The following GRIK4 variants were observed in gnomAD, a reference collection of about 807,000 sequenced individuals.
The protein encoded by GRIK4 is glutamate ionotropic receptor kainate type subunit 4.
Under a neutral mutation model 104.9 loss-of-function variants are expected in GRIK4, and 40 were observed. The observed-to-expected ratio is 0.38, with a 90% confidence interval of 0.30 to 0.50. The LOEUF is 0.50. GRIK4 is among the 20% of genes least tolerant of loss of function. The probability of loss-of-function intolerance (pLI) is 0.93; values close to 1 mark genes in which losing one functional copy is unlikely to be tolerated. For missense variants in GRIK4, 1,047 were observed against 1,308.1 expected, an observed-to-expected ratio of 0.80 and a Z score of 3.08; for synonymous variants, 485 against 524.9, an observed-to-expected ratio of 0.92 and a Z score of 1.04.
chr11:120,640,794 C>T (rs1278142415), intron 1 of GRIK4, among the ~76,000 whole-genome samples: 2 of 152,144 alleles, frequency 1.3e-5, no homozygotes, highest in East Asian at 3.8e-4. Context: ...CTGCAACCTC[C>T]ATCTCCCTGG....
chr11:120,855,749 G>A (rs1241485364), intron 8 of GRIK4, among the ~76,000 whole-genome samples: 1 of 152,192 alleles, frequency 6.6e-6, no homozygotes, highest in African/African-American at 2.4e-5. Flanking sequence ...TTTTAGTAGA[G>A]ATGGGGTTTC....
At chr11:120,525,479 C>G (rs918313627) in intron 1 of GRIK4, among the ~76,000 whole-genome samples, 1 of 152,130 alleles carries the variant, frequency 6.6e-6, no homozygotes, top group Non-Finnish European at 1.5e-5. Flanking sequence ...TCATACTGGG[C>G]AGGGCGTGGA....
At chr11:120,835,343 T>C (rs1427511875) in intron 7 of GRIK4, among the ~76,000 whole-genome samples, 1 of 152,146 alleles carries the variant, frequency 6.6e-6, no homozygotes, top group Non-Finnish European at 1.5e-5. Flanking sequence ...GCCTGGCCAA[T>C]ATGGCGAAAT....
chr11:120,635,089 G>A (rs1309103795), intron 1 of GRIK4, among the ~76,000 whole-genome samples: 3 of 152,140 alleles, frequency 2.0e-5, no homozygotes, highest in Admixed American at 6.5e-5. Context: ...GCAGCTGAGT[G>A]TGGCCCAGGA....
At chr11:120,719,337 T>C (rs988198737) in intron 3 of GRIK4, among the ~76,000 whole-genome samples, 3 of 152,112 alleles carry the variant, frequency 2.0e-5, no homozygotes, top group African/African-American at 7.2e-5. Flanking sequence ...GAAGGCAGTG[T>C]GTGTGAGGGG....
intron 6 of GRIK4, among the ~76,000 whole-genome samples, chr11:120,823,575 C>A (rs1176050982): frequency 1.3e-5 from 2 of 152,204 alleles, no homozygotes; most frequent in African/African-American, 4.8e-5. Context: ...GATCTTCAAG[C>A]TGGCTCTTCC....
chr11:120,898,465 G>A (rs1389010402), intron 11 of GRIK4, 67 bp from the exon 12 acceptor site: 3 of 888,120 alleles, frequency 3.4e-6, no homozygotes, highest in Non-Finnish European at 5.7e-6. Context: ...GCAGAGGTCA[G>A]CCTCTTGGCT....
rs1003231603 is a variant in GRIK4 at position 120,741,337 on chromosome 11, G to A, written c.83-61356G>A. 2.0e-5 allele frequency among the ~76,000 whole-genome samples: 3 copies of A among 146,604 alleles called. No individual in the cohort carries two copies. The Admixed American group carries it at 2.1e-4, about 10-fold the overall frequency. The stretch of plus-strand genomic sequence containing the variant: ...ACTGTCACCCAGGCTGGAGTGCAGC[G>A]GTGCGACCTTGACTTACTGCAACCT... On this transcript the variant is annotated intron_variant, in intron 3 of 20. Coordinates refer to ENST00000527524, the MANE Select transcript of GRIK4 (RefSeq NM_014619.5).
At chr11:120,789,181 A>G (rs868515143) in intron 3 of GRIK4, among the ~76,000 whole-genome samples, 6 of 152,138 alleles carry the variant, frequency 3.9e-5, no homozygotes, top group Non-Finnish European at 8.8e-5. Context: ...AGCCTGGATC[A>G]TTATCTGGAG....
At chr11:120,659,797 C>T (rs1016739953) in intron 2 of GRIK4, among the ~76,000 whole-genome samples, 2 of 152,218 alleles carry the variant, frequency 1.3e-5, no homozygotes, top group African/African-American at 4.8e-5. Flanking sequence ...TGGCGAATAG[C>T]GCAACCTCGG....
intron 1 of GRIK4, among the ~76,000 whole-genome samples, chr11:120,610,431 C>G (rs957961075): frequency 6.6e-6 from 1 of 152,176 alleles, no homozygotes; most frequent in African/African-American, 2.4e-5. Flanking sequence ...CCCCCTAAGC[C>G]TCGGAACACG....
chr11:120,768,248 G>A (rs1406996618), intron 3 of GRIK4, among the ~76,000 whole-genome samples: 4 of 151,636 alleles, frequency 2.6e-5, no homozygotes, highest in African/African-American at 9.7e-5. Context: ...TATAGCTTTT[G>A]GTGTAAAAAT....
chr11:120,819,884 T>C lies in GRIK4; in HGVS notation c.475T>C (p.Cys159Arg). The C allele has an allele frequency of 6.2e-7, 1 of 1,614,066 alleles. No individual in the cohort carries two copies. Among genetic ancestry groups the C allele is most frequent in the South Asian group, 1.1e-5 (1 of 91,074 alleles). Residue 159 changes from cysteine to arginine, a missense_variant, in exon 6 of 21, where the codon TGC becomes CGC. Transcript: ENST00000527524. The surrounding 1 kb of genome is among the most constrained non-coding windows in gnomAD (Gnocchi z 4.3). The stretch of plus-strand genomic sequence containing the variant: ...AGCTGGGATCCTGAACTTCTTCAAC[T>C]GCACCACCGCCTGCCTCATCTGTGC... ...AVAGILNFFNCTTACLICAKA... is the reference protein window; with the variant it reads ...AVAGILNFFNRTTACLICAKA...
At chr11:120,856,744 C>T (rs1482666968) in intron 8 of GRIK4, among the ~76,000 whole-genome samples, 1 of 152,166 alleles carries the variant, frequency 6.6e-6, no homozygotes, top group East Asian at 1.9e-4. Flanking sequence ...TTTAAGGGTA[C>T]CACCTGGACC....
intron 1 of GRIK4, among the ~76,000 whole-genome samples, chr11:120,631,674 A>G (rs1041847885): frequency 2.0e-5 from 3 of 152,160 alleles, no homozygotes; most frequent in African/African-American, 7.2e-5. Context: ...GATTTTAAAG[A>G]TGACTCTTGC....
At chr11:120,612,132 C>T (rs1949045225) in intron 1 of GRIK4, among the ~76,000 whole-genome samples, 1 of 152,196 alleles carries the variant, frequency 6.6e-6, no homozygotes, top group South Asian at 2.1e-4. Context: ...TTTACCTTGT[C>T]CTGTATCACT....
At position 120,513,789 on chromosome 11, in the gene GRIK4, C is replaced by G. The variant is rs1947689275; in HGVS notation, c.-159+1902C>G. ...TCCGGGTGGGGAAGAGGTGGATGCT[C>G]GGGAGGGGAGGTTGAGAGGGGATCT... On this transcript the variant is annotated intron_variant, in intron 1 of 20. Coordinates refer to ENST00000527524, the MANE Select transcript of GRIK4 (RefSeq NM_014619.5). The surrounding 1 kb of genome is among the most constrained non-coding windows in gnomAD (Gnocchi z 4.5). 6.6e-6 allele frequency among the ~76,000 whole-genome samples: 1 copy of G among 152,120 alleles called. No homozygotes were observed. The highest frequency in any genetic ancestry group is 1.5e-5 in the Non-Finnish European group (1 of 68,018).
intron 1 of GRIK4, among the ~76,000 whole-genome samples, chr11:120,634,490 A>C (rs1369404269): frequency 6.6e-6 from 1 of 152,072 alleles, no homozygotes; most frequent in Non-Finnish European, 1.5e-5. Flanking sequence ...AGGGTTCTGC[A>C]GCTTCTGCCA....
intron 19 of GRIK4, among the ~76,000 whole-genome samples, chr11:120,972,798 G>C (rs1216113114): frequency 6.6e-6 from 1 of 152,132 alleles, no homozygotes; most frequent in South Asian, 2.1e-4. Flanking sequence ...GAGTTTGGCT[G>C]TGTAATGGGC....
Sources: gnomAD v4.1 joint callset for allele counts (sites outside exome capture counted in the v4.1 genomes callset) on GRCh38, gnomAD v4.1.1 for gene constraint, Gnocchi (gnomAD v3.1) non-coding constraint, MANE v1.5 for transcripts, NCBI Gene and HGNC (gene_info 2026-07-23, HGNC 2026-07-21) for gene names.